Variants in IL1RAPL2 observed in about 807,000 individuals in gnomAD.
IL1RAPL2 encodes X-linked interleukin-1 receptor accessory protein-like 2.
IL1RAPL2 carries 3 observed loss-of-function variants against 44.1 expected under a neutral mutation model. The ratio of observed to expected loss-of-function variants is 0.07; its 90% CI spans 0.03 to 0.18. The LOEUF (loss-of-function observed/expected upper bound fraction) is 0.18. Ranked by LOEUF, IL1RAPL2 falls within the 10% of genes least tolerant of loss-of-function variation. The pLI is 1.00. For synonymous variants in IL1RAPL2, 181 were observed against 178.8 expected (o/e 1.01, Z -0.10); for missense variants, 391 against 496.4 (o/e 0.79, Z 2.02).
At chrX:104,660,594 C>T (rs371627076) in intron 2 of IL1RAPL2, among the ~76,000 whole-genome samples, 2 of 79,376 alleles carry the variant, frequency 2.5e-5, no homozygotes, top group Admixed American at 1.5e-4. Context: ...TATATATATA[C>T]ACACAAATAT....
intron 2 of IL1RAPL2, among the ~76,000 whole-genome samples, chrX:104,963,893 TA>T (rs2030055746): frequency 1.9e-5 from 2 of 106,532 alleles, no homozygotes; most frequent in Admixed American, 2.0e-4. Flanking sequence ...TTTCTGAATA[TA>T]GTATAACTTA....
chrX:105,006,374 C>T, intron 2 of IL1RAPL2, among the ~76,000 whole-genome samples: 1 of 109,800 alleles, frequency 9.1e-6, no homozygotes. Context: ...TTCACTTCAC[C>T]TGGAGAGAAA....
chrX:104,607,739 G>T (rs1210645853), intron 1 of IL1RAPL2, among the ~76,000 whole-genome samples: 1 of 112,131 alleles, frequency 8.9e-6, no homozygotes, highest in Non-Finnish European at 1.9e-5. Context: ...AAAGATGCTG[G>T]AGAGGATGTG....
At chrX:104,619,389 G>C (rs1929341563) in intron 1 of IL1RAPL2, among the ~76,000 whole-genome samples, 2 of 112,007 alleles carry the variant, frequency 1.8e-5, no homozygotes, top group South Asian at 7.6e-4. Flanking sequence ...GTTCTCCCTT[G>C]GTCTTGGTTG....
At chrX:105,208,380 A>C (rs1374655879) in intron 3 of IL1RAPL2, among the ~76,000 whole-genome samples, 2 of 111,638 alleles carry the variant, frequency 1.8e-5, no homozygotes, top group Non-Finnish European at 3.8e-5. Context: ...ACCTTCATTA[A>C]AGAAAGGCAG....
At chrX:105,055,913 T>C (rs2031986757) in intron 2 of IL1RAPL2, among the ~76,000 whole-genome samples, 1 of 111,831 alleles carries the variant, frequency 8.9e-6, no homozygotes, top group African/African-American at 3.2e-5. Flanking sequence ...CACTACTGCA[T>C]TCAATTAGGT....
intron 2 of IL1RAPL2, among the ~76,000 whole-genome samples, chrX:104,732,854 T>A: frequency 9.0e-6 from 1 of 111,677 alleles, no homozygotes. Flanking sequence ...CTCACATACA[T>A]GGCAGCTAAA....
At chrX:105,074,069 G>T (rs1280947912) in intron 2 of IL1RAPL2, among the ~76,000 whole-genome samples, 1 of 111,215 alleles carries the variant, frequency 9.0e-6, no homozygotes, top group Non-Finnish European at 1.9e-5. Context: ...GTCAATTTTG[G>T]CTTTTGTTGC....
chrX:104,715,211 G>T (rs1330472341), intron 2 of IL1RAPL2, among the ~76,000 whole-genome samples: 1 of 109,137 alleles, frequency 9.2e-6, no homozygotes, highest in African/African-American at 3.3e-5. Context: ...AGTCTTGGGA[G>T]GGTATATGTA....
chrX:104,708,500 G>A (rs1931399066), intron 2 of IL1RAPL2, among the ~76,000 whole-genome samples: 1 of 110,605 alleles, frequency 9.0e-6, no homozygotes. Context: ...ACCCTACAGG[G>A]GAATAAATGA....
chrX:105,672,841 G>A (rs2037835635), intron 6 of IL1RAPL2, among the ~76,000 whole-genome samples: 1 of 111,589 alleles, frequency 9.0e-6, no homozygotes, highest in African/African-American at 3.3e-5. Context: ...TATCTTTCTA[G>A]GCTTCCCCTT....
chrX:105,703,966 G>A (rs1418348436), intron 6 of IL1RAPL2, among the ~76,000 whole-genome samples: 1 of 111,831 alleles, frequency 8.9e-6, no homozygotes, highest in Non-Finnish European at 1.9e-5. Context: ...TTGCTTAGGC[G>A]AGGTCTCTTG....
chrX:105,065,279 A>G (rs1219159083), intron 2 of IL1RAPL2, among the ~76,000 whole-genome samples: 2 of 112,080 alleles, frequency 1.8e-5, no homozygotes, highest in Non-Finnish European at 3.8e-5. Flanking sequence ...TTGACATACA[A>G]TAGATCTTCT....
chrX:105,178,417 T>C (rs1019862847), intron 2 of IL1RAPL2, among the ~76,000 whole-genome samples: 2 of 112,527 alleles, frequency 1.8e-5, no homozygotes, highest in African/African-American at 6.5e-5. Flanking sequence ...CTATTGTGAA[T>C]AGTGCTGCAA....
chrX:105,462,269 C>G (rs1255930839), intron 5 of IL1RAPL2, among the ~76,000 whole-genome samples: 1 of 111,050 alleles, frequency 9.0e-6, no homozygotes, highest in African/African-American at 3.3e-5. Context: ...GTAATATTTT[C>G]TTTATTCCAT....
chrX:105,338,490 T>C (rs866738680), intron 5 of IL1RAPL2, among the ~76,000 whole-genome samples: 1 of 111,927 alleles, frequency 8.9e-6, no homozygotes, highest in Middle Eastern at 4.6e-3. Context: ...CAGACACAGG[T>C]TATACCTACT....
chrX:105,066,164 C>T (rs2032135232), intron 2 of IL1RAPL2, among the ~76,000 whole-genome samples: 1 of 111,083 alleles, frequency 9.0e-6, no homozygotes. Flanking sequence ...TTTCTGTCCT[C>T]ACTCCCAGAA....
intron 2 of IL1RAPL2, among the ~76,000 whole-genome samples, chrX:104,834,286 A>G (rs1260425243): frequency 4.5e-5 from 5 of 112,104 alleles, no homozygotes; most frequent in Non-Finnish European, 7.5e-5. Context: ...TTGTGATTTG[A>G]TTGAATGAGG....
At chrX:105,232,278 C>T (rs2034077856) in intron 3 of IL1RAPL2, among the ~76,000 whole-genome samples, 1 of 111,704 alleles carries the variant, frequency 9.0e-6, no homozygotes, top group Non-Finnish European at 1.9e-5. Flanking sequence ...CTGTGTTTTG[C>T]ATGATGTCGG....
Sources: allele counts gnomAD v4.1 joint callset (sites outside exome capture counted in the v4.1 genomes callset), GRCh38; gene constraint gnomAD v4.1.1; transcripts MANE v1.5; gene names NCBI Gene and HGNC (gene_info 2026-07-23, HGNC 2026-07-21).